Variants in PSIP1 observed in about 807,000 individuals in gnomAD.
PSIP1 encodes the protein PC4 and SRSF1 interacting protein 1, also known as PC4 and SFRS1-interacting protein.
Under a neutral mutation model 74.7 loss-of-function variants are expected in PSIP1, and 19 were observed. The observed-to-expected ratio is 0.25, with a 90% CI of 0.18 to 0.37. The LOEUF (loss-of-function observed/expected upper bound fraction) is 0.37. Among genes scored for constraint, PSIP1 ranks in the 10% least tolerant of loss-of-function variants. The pLI is 1.00. For missense variants in PSIP1, 601 were observed against 614.3 expected, an observed-to-expected ratio of 0.98 and a Z score of 0.23; for synonymous variants, 222 against 195.3, an observed-to-expected ratio of 1.14 and a Z score of -1.14.
intron 14 of PSIP1, among the ~76,000 whole-genome samples, chr9:15,468,123 T>A (rs2665509): frequency 0.11 from 15,480 of 140,434 alleles, 1,554 homozygotes; most frequent in African/African-American, 0.27. Flanking sequence ...CTCCATCTTT[T>A]AAAAAAAAAA....
At position 15,491,404 on chromosome 9, in the gene PSIP1, G is replaced by A. The variant is rs138620562; in HGVS notation, c.150-1280C>T. On this transcript the variant is annotated intron_variant, in intron 3 of 15. Transcript: ENST00000380733. ...CAGCTAAGAATGTGTTGTATCAGGA[G>A]ACTCAAGTCTTTCCACTACTCAGTG... Among the ~76,000 whole-genome samples the A allele has an allele frequency of 1.2e-3, 176 of 152,354 alleles. 2 individuals carry two copies. The highest frequency in any genetic ancestry group is 4.0e-3 in the African/African-American group (168 of 41,576).
intron 6 of PSIP1, 138 bp from the exon 7 acceptor site, chr9:15,479,825 C>A: frequency 2.0e-6 from 1 of 496,024 alleles, no homozygotes. Context: ...TTTGTTTTTT[C>A]AACAATCAAC....
chr9:15,466,685 G>T, intron 15 of PSIP1, 63 bp downstream of exon 15: 1 of 1,307,884 alleles, frequency 7.6e-7, no homozygotes, highest in Non-Finnish European at 1.1e-6. Flanking sequence ...CCTTGGAACA[G>T]AACTGTGATT....
In PSIP1 at chr9:15,487,211, A is replaced by C. The variant is rs113971362; in HGVS notation, c.289-280T>G. On this transcript the variant is annotated intron_variant, in intron 4 of 15. Coordinates refer to ENST00000380733, the MANE Select transcript of PSIP1 (RefSeq NM_033222.5). ...TCTCAAATAATAAAAATTAAAAAAA[A>C]CTCCAAGATTATATGGTGACAAGGC... is the stretch of plus-strand genomic sequence containing the variant. 1.1e-4 allele frequency among the ~76,000 whole-genome samples: 17 copies of C among 151,646 alleles called. 2 individuals carry two copies. The highest frequency in any genetic ancestry group is 7.9e-4 in the East Asian group (4 of 5,080).
At chr9:15,470,084 TAAAATAAGTC>T in intron 10 of PSIP1, 91 bp from the exon 11 acceptor site, 1 of 1,039,742 alleles carries the variant, frequency 9.6e-7, no homozygotes, top group East Asian at 2.4e-5. Context: ...ATGTTTTCCT[TAAAATAAGTC>T]AATAGCCTAG....
chr9:15,472,751 CTGTTT>C lies in PSIP1; in HGVS notation c.859-6_859-2del. ...GAAAGTTCCTCCCACCTTTTCTCTTCTGTTTTGAGAATTAGGATGGTTTTATTTAA... is the reference window on the plus strand; with the variant it reads ...GAAAGTTCCTCCCACCTTTTCTCTTCTGAGAATTAGGATGGTTTTATTTAA... On this transcript the variant is annotated splice_acceptor_variant and splice_polypyrimidine_tract_variant and intron_variant, in intron 9 of 15. Coordinates refer to ENST00000380733, the MANE Select transcript of PSIP1 (RefSeq NM_033222.5). LOFTEE classifies it high-confidence loss of function. 6.2e-7 allele frequency: 1 copy of C among 1,602,184 alleles called. No homozygotes were observed. The highest frequency in any genetic ancestry group is 8.5e-7 in the Non-Finnish European group (1 of 1,176,586).
chr9:15,471,954 A>G, intron 10 of PSIP1: 2 of 974,052 alleles, frequency 2.1e-6, no homozygotes, highest in Non-Finnish European at 1.2e-6. Flanking sequence ...GTGACAGTCT[A>G]AAGGTAACTA....
At position 15,474,193 on chromosome 9, in the gene PSIP1, T is replaced by G; in HGVS notation, c.674A>C (p.Lys225Thr). 1 of 1,613,214 alleles carries G rather than the reference T, an allele frequency of 6.2e-7. No individual in the cohort carries two copies. Among genetic ancestry groups the G allele is most frequent in the Non-Finnish European group, 8.5e-7 (1 of 1,179,818 alleles). ...DKSKKKGQEE[K>T]QPKKQPKKDE... ...CTTCTTAGGCTGCTTTTTAGGTTGT[T>G]TTTCCTCTTGCCCCTTTTTCTTACT... The change falls in exon 9 of 16, where the codon AAA (lysine) becomes ACA (threonine). Residue 225 changes from lysine to threonine, a missense_variant. Lys to Thr is a moderately conservative substitution (Grantham distance 78). Coordinates refer to ENST00000380733, the MANE Select transcript of PSIP1 (RefSeq NM_033222.5).
chr9:15,466,325 G>C (rs2035623887), intron 15 of PSIP1, among the ~76,000 whole-genome samples: 1 of 152,202 alleles, frequency 6.6e-6, no homozygotes. Flanking sequence ...GTTGCAGTGA[G>C]CACGATCGTG....
At position 15,510,230 on chromosome 9, in the gene PSIP1, C is replaced by G. The variant is rs978464618; in HGVS notation, c.-42G>C. ...CGGGGGTCCGAAGCCCGGGAGGCGGCGAGGAGATGCGGCGGCGCGGGGATG... is the reference window on the plus strand; with the variant it reads ...CGGGGGTCCGAAGCCCGGGAGGCGGGGAGGAGATGCGGCGGCGCGGGGATG... On this transcript the variant is annotated 5_prime_UTR_variant, in exon 2 of 16. Coordinates refer to ENST00000380733, the MANE Select transcript of PSIP1 (RefSeq NM_033222.5). 1 of 1,572,162 alleles carries G rather than the reference C, an allele frequency of 6.4e-7. No homozygotes were observed.
chr9:15,503,372 T>TA (rs1355056482), intron 3 of PSIP1, among the ~76,000 whole-genome samples: 2 of 142,318 alleles, frequency 1.4e-5, no homozygotes, highest in Non-Finnish European at 3.0e-5. Flanking sequence ...TCACAAAAAA[T>TA]AAAAAAATAA....
At chr9:15,478,778 T>A (rs2821530) in intron 7 of PSIP1, among the ~76,000 whole-genome samples, 10,702 of 152,214 alleles carry the variant, frequency 0.07, 495 homozygotes, top group African/African-American at 0.13. Context: ...AATTTGTCCT[T>A]ATTATGACTG....
intron 6 of PSIP1, chr9:15,485,785 T>C (rs1563881619): frequency 5.0e-6 from 2 of 396,276 alleles, no homozygotes; most frequent in East Asian, 4.1e-5. Flanking sequence ...GAATGAAAAC[T>C]GGTGTATTTT....
chr9:15,507,765 C>G (rs2037663662), intron 2 of PSIP1, among the ~76,000 whole-genome samples: 1 of 152,146 alleles, frequency 6.6e-6, no homozygotes, highest in Non-Finnish European at 1.5e-5. Context: ...CATCAGAGGA[C>G]CTACTATCCT....
Position 15,465,490 on chromosome 9 carries a change from A to C in PSIP1, c.*30T>G, listed in dbSNP as rs188404574. Reference sequence around the variant, plus strand: ...AAATGAAAACCATTACAAACTTCTCAAGTGTTCTCTATATTCCAGGTATGT... The same window carrying C: ...AAATGAAAACCATTACAAACTTCTCCAGTGTTCTCTATATTCCAGGTATGT... On this transcript the variant is annotated 3_prime_UTR_variant, in exon 16 of 16. Transcript: ENST00000380733. 479 of 1,490,208 alleles carry C rather than the reference A, an allele frequency of 3.2e-4. 5 individuals are homozygous for C. The highest frequency in any genetic ancestry group is 4.2e-4 in the Admixed American group (21 of 49,488). 92.3% of individuals were successfully genotyped at this position (1,490,208 alleles called of 1,614,324 possible).
chr9:15,483,357 C>T (rs1323299000), intron 6 of PSIP1, among the ~76,000 whole-genome samples: 5 of 151,622 alleles, frequency 3.3e-5, no homozygotes, highest in African/African-American at 1.2e-4. Context: ...CCCTCCCCCG[C>T]CCCCTTTACC....
Position 15,465,536 on chromosome 9 carries a change from G to A in PSIP1, c.1577C>T (p.Ser526Phe), listed in dbSNP as rs2035561995. The change falls in exon 16 of 16, where the codon TCT (serine) becomes TTT (phenylalanine). Residue 526 changes from serine (S) to phenylalanine (F), a missense_variant. Around this residue, in one of 2 missense-constraint regions of PSIP1, gnomAD observed 538 missense variants for 507.6 expected, o/e 1.06. Transcript: ENST00000380733. ...ERETEISLKD[S>F]TLDN ...TATGTCAACCTAGTTATCTAGTGTA[G>A]AATCCTTCAGAGATATTTCAGTCTC... The A allele has an allele frequency of 2.5e-6, 4 of 1,577,422 alleles. No homozygotes were observed. The East Asian group carries it at 9.0e-5, about 36-fold the overall frequency.
intron 3 of PSIP1, among the ~76,000 whole-genome samples, chr9:15,499,875 C>CA (rs559078122): frequency 0.064 from 4,324 of 67,922 alleles, 130 homozygotes; most frequent in African/African-American, 0.15. Flanking sequence ...GACTCTGTCT[C>CA]AAAAAAAAAA....
chr9:15,494,149 TATC>T (rs1174938000), intron 3 of PSIP1, among the ~76,000 whole-genome samples: 1 of 152,224 alleles, frequency 6.6e-6, no homozygotes, highest in Non-Finnish European at 1.5e-5. Context: ...ATTAGATACA[TATC>T]ATAAATTCCT....
Sources: allele counts gnomAD v4.1 joint callset (sites outside exome capture counted in the v4.1 genomes callset), GRCh38; gene constraint gnomAD v4.1.1; regional missense constraint gnomAD v4.1.1; transcripts MANE v1.5; gene names NCBI Gene and HGNC (gene_info 2026-07-23, HGNC 2026-07-21).